Variants in ARHGEF3 observed in about 807,000 individuals in gnomAD.
The protein encoded by ARHGEF3 is Rho guanine nucleotide exchange factor 3, also known as 59.8 kDA protein.
In ARHGEF3, 28 loss-of-function variants were observed where a neutral mutation model predicts 63.2. That is an observed-to-expected ratio of 0.44 (90% CI 0.33 to 0.61). The LOEUF is 0.61. Among genes scored for constraint, ARHGEF3 ranks in the 20% least tolerant of loss-of-function variants. ARHGEF3 has a pLI of 0.03. For synonymous variants in ARHGEF3, 266 were observed against 254.2 expected (o/e 1.05, Z -0.44); for missense variants, 533 against 659.3 (o/e 0.81, Z 2.10).
intron 3 of ARHGEF3, among the ~76,000 whole-genome samples, chr3:56,897,614 G>C (rs933099419): frequency 6.6e-6 from 1 of 150,732 alleles, no homozygotes. Context: ...AGGCTGGAGT[G>C]CAGTGGTGTG....
chr3:57,062,255 G>A (rs183883928), intron 1 of ARHGEF3, among the ~76,000 whole-genome samples: 25 of 152,322 alleles, frequency 1.6e-4, no homozygotes, highest in African/African-American at 5.3e-4. Flanking sequence ...CTGCTCTAGC[G>A]CTGGGTGAGT....
At chr3:57,028,473 A>G (rs1206072336) in intron 2 of ARHGEF3, among the ~76,000 whole-genome samples, 50 of 102,496 alleles carry the variant, frequency 4.9e-4, no homozygotes, top group Non-Finnish European at 8.2e-4. Flanking sequence ...ATTCTCACTC[A>G]TAGGTGGGAA....
chr3:56,991,421 T>C (rs1163086573), intron 2 of ARHGEF3, among the ~76,000 whole-genome samples: 1 of 152,234 alleles, frequency 6.6e-6, no homozygotes, highest in African/African-American at 2.4e-5. Context: ...GTCATCTATC[T>C]ACACCCCGAG....
intron 1 of ARHGEF3, among the ~76,000 whole-genome samples, chr3:57,069,114 G>C (rs1394904669): frequency 6.6e-6 from 1 of 151,848 alleles, no homozygotes; most frequent in African/African-American, 2.4e-5. Context: ...GCAGAGACGG[G>C]GTTTCACCAT....
chr3:56,790,871 C>G (rs1249989843), intron 1 of ARHGEF3, among the ~76,000 whole-genome samples: 3 of 152,164 alleles, frequency 2.0e-5, no homozygotes, highest in Admixed American at 2.0e-4. Context: ...CTCCACATTT[C>G]CAAATCTGAC....
intron 4 of ARHGEF3, among the ~76,000 whole-genome samples, chr3:56,867,457 C>CTATTTATTTATT (rs36136849): frequency 6.7e-6 from 1 of 149,622 alleles, no homozygotes; most frequent in African/African-American, 2.5e-5. Flanking sequence ...AGTTAAAATG[C>CTATTTATTTATT]TATTTATTTA....
In ARHGEF3 at chr3:56,968,400, C is replaced by T. The variant is rs149881966; in HGVS notation, c.63-9511G>A. ...GTTGCCCAGGCTGGAAATGTAGTGG[C>T]GTGATGATGGCTCACTGCAGCCTTG... On this transcript the variant is annotated intron_variant, in intron 2 of 12. Transcript: ENST00000338458. Among the ~76,000 whole-genome samples the T allele has an allele frequency of 6.9e-3, 874 of 127,144 alleles. 8 individuals are homozygous for T. Among genetic ancestry groups the T allele is most frequent in the African/African-American group, 0.025 (839 of 34,052 alleles). The allele number at this position is 127,144 out of a possible 152,430, so 83.4% of individuals were successfully genotyped here.
rs2034267634 is a variant in ARHGEF3 at position 56,744,650 on chromosome 3, C to G, written c.870+555G>C. Among the ~76,000 whole-genome samples the G allele has an allele frequency of 4.6e-5, 7 of 151,942 alleles. No individual in the cohort carries two copies. The South Asian group carries it at 1.5e-3, about 32-fold the overall frequency. ...TGAACTCCTGGCTTCAAGTGATCTG[C>G]CCACCTCGGCCTCCCAAAGTGCTGG... is the stretch of plus-strand genomic sequence containing the variant. On this transcript the variant is annotated intron_variant, in intron 7 of 9. Coordinates refer to ENST00000296315, the MANE Select transcript of ARHGEF3 (RefSeq NM_019555.3).
In ARHGEF3 at chr3:57,010,480, A is replaced by G. The variant is rs527682656; in HGVS notation, c.62+24608T>C. ...CAAAAAAAAAAAAAAAAAAACCCAC[A>G]GTGGAATTTATTTACATGTGCACTC... On this transcript the variant is annotated intron_variant, in intron 2 of 12. Transcript: ENST00000338458. Among the ~76,000 whole-genome samples, 831 of 150,918 alleles carry G rather than the reference A, an allele frequency of 5.5e-3. 16 individuals carry two copies. The highest frequency in any genetic ancestry group is 0.019 in the African/African-American group (797 of 40,934).
intron 3 of ARHGEF3, among the ~76,000 whole-genome samples, chr3:56,887,855 G>A (rs1238531786): frequency 6.6e-6 from 1 of 152,234 alleles, no homozygotes; most frequent in African/African-American, 2.4e-5. Context: ...TCAGTGCCCT[G>A]TGCTGAGCAG....
At chr3:56,736,286 T>A (rs1425277740) in intron 8 of ARHGEF3, among the ~76,000 whole-genome samples, 1 of 152,038 alleles carries the variant, frequency 6.6e-6, no homozygotes. Context: ...GACAGACAAA[T>A]GGAGAATTGC....
intron 3 of ARHGEF3, among the ~76,000 whole-genome samples, chr3:56,955,186 TTTTTTTTTTCTTTTC>T (rs1177127942): frequency 5.9e-5 from 9 of 151,986 alleles, no homozygotes; most frequent in South Asian, 2.1e-4. Context: ...TTTTTCTTTT[TTTTTTTTTTCTTTTC>T]TTTTTTTTTC....
At chr3:57,065,617 C>A (rs1705485005) in intron 1 of ARHGEF3, among the ~76,000 whole-genome samples, 1 of 152,042 alleles carries the variant, frequency 6.6e-6, no homozygotes, top group Non-Finnish European at 1.5e-5. Context: ...GTTAATTATA[C>A]CTCAATAAAA....
Position 56,890,017 on chromosome 3 carries a change from G to A in ARHGEF3, c.130-7663C>T, listed in dbSNP as rs1359224333. ...GCAGAGGCTGCAGTGAGCCAAGGTC[G>A]CACCACTGCACTCCAGCCTGGGTGA... On this transcript the variant is annotated intron_variant, in intron 3 of 12. Coordinates refer to the ARHGEF3 transcript ENST00000338458. 2.6e-5 allele frequency among the ~76,000 whole-genome samples: 4 copies of A among 152,060 alleles called. No individual in the cohort carries two copies. In the East Asian group the frequency reaches 5.8e-4, roughly 22 times the overall value.
intron 1 of ARHGEF3, among the ~76,000 whole-genome samples, chr3:57,036,740 C>G (rs1703979565): frequency 6.6e-6 from 1 of 152,194 alleles, no homozygotes; most frequent in Non-Finnish European, 1.5e-5. Flanking sequence ...CGTCCAGGCA[C>G]AGGGGGTGAG....
At chr3:57,023,267 C>A (rs1224529603) in intron 2 of ARHGEF3, among the ~76,000 whole-genome samples, 1 of 152,144 alleles carries the variant, frequency 6.6e-6, no homozygotes, top group Non-Finnish European at 1.5e-5. Context: ...TTTGTTCAGT[C>A]CCCAGATCCA....
chr3:56,828,025 G>A (rs1313917848), intron 4 of ARHGEF3, among the ~76,000 whole-genome samples: 1 of 146,872 alleles, frequency 6.8e-6, no homozygotes, highest in Non-Finnish European at 1.5e-5. Context: ...AGATATACGT[G>A]AAGTACACCA....
At chr3:56,770,539 T>C (rs1243426793) in intron 2 of ARHGEF3, among the ~76,000 whole-genome samples, 1 of 152,168 alleles carries the variant, frequency 6.6e-6, no homozygotes, top group Non-Finnish European at 1.5e-5. Flanking sequence ...GGGCTGGAAA[T>C]AATGCCATAG....
intron 3 of ARHGEF3, among the ~76,000 whole-genome samples, chr3:56,907,764 G>A (rs2041735230): frequency 6.6e-6 from 1 of 152,162 alleles, no homozygotes; most frequent in Admixed American, 6.5e-5. Flanking sequence ...ACTAATGCAG[G>A]AACAGAAAAC....
Sources: allele counts gnomAD v4.1 joint callset (sites outside exome capture counted in the v4.1 genomes callset), GRCh38; gene constraint gnomAD v4.1.1; transcripts MANE v1.5; gene names NCBI Gene and HGNC (gene_info 2026-07-23, HGNC 2026-07-21).